Variants in PLEK2 observed in about 807,000 individuals in gnomAD.
PLEK2 encodes pleckstrin-2.
A neutral mutation model predicts 43.8 loss-of-function variants in PLEK2; 29 were observed. That is an observed-to-expected ratio of 0.66 (90% CI 0.49 to 0.90). PLEK2 has a LOEUF of 0.90. Among genes scored for constraint, PLEK2 ranks in the 40% least tolerant of loss-of-function variants. The pLI is 0.00. For missense variants in PLEK2, 398 were observed against 448.1 expected, an observed-to-expected ratio of 0.89 and a Z score of 1.01; for synonymous variants, 162 against 173.2, an observed-to-expected ratio of 0.94 and a Z score of 0.51.
At chr14:67,389,951 C>T (rs1179299982) in intron 7 of PLEK2, among the ~76,000 whole-genome samples, 1 of 151,964 alleles carries the variant, frequency 6.6e-6, no homozygotes, top group African/African-American at 2.4e-5. Context: ...CCTCCCTGGC[C>T]CTGGCCTAGC....
intron 1 of PLEK2, among the ~76,000 whole-genome samples, chr14:67,403,817 C>T (rs532889358): frequency 4.4e-4 from 67 of 152,166 alleles, no homozygotes; most frequent in Non-Finnish European, 7.6e-4. Context: ...TTTGGGAGGC[C>T]AAGGAGAGAG....
At chr14:67,406,297 T>G (rs2086078381) in intron 1 of PLEK2, among the ~76,000 whole-genome samples, 1 of 151,696 alleles carries the variant, frequency 6.6e-6, no homozygotes, top group South Asian at 2.1e-4. Flanking sequence ...GGATAATTTG[T>G]TATACAACAA....
chr14:67,397,991 G>C lies in PLEK2; in HGVS notation c.43-165C>G, dbSNP rs2086022880. On this transcript the variant is annotated intron_variant, in intron 1 of 8. Transcript: ENST00000216446. ...GGATCTCTTCTGAGTACGTAGCAAAGACCTTTGGCACTGACCTTCTAGTTC... is the reference window on the plus strand; with the variant it reads ...GGATCTCTTCTGAGTACGTAGCAAACACCTTTGGCACTGACCTTCTAGTTC... 6.0e-6 allele frequency: 3 copies of C among 499,874 alleles called. No individual in the cohort carries two copies. The East Asian group carries it at 9.6e-5, about 16-fold the overall frequency. 31.0% of individuals were successfully genotyped at this position (499,874 alleles called of 1,614,324 possible).
chr14:67,404,331 A>C (rs2086065959), intron 1 of PLEK2, among the ~76,000 whole-genome samples: 1 of 152,068 alleles, frequency 6.6e-6, no homozygotes, highest in Non-Finnish European at 1.5e-5. Flanking sequence ...ACTTCATATG[A>C]TACCTAAAAA....
At chr14:67,399,216 TAA>T (rs1399975812) in intron 1 of PLEK2, among the ~76,000 whole-genome samples, 16 of 150,630 alleles carry the variant, frequency 1.1e-4, no homozygotes, top group African/African-American at 3.2e-4. Flanking sequence ...GTGGCAGGAA[TAA>T]AGAGAAGGGT....
chr14:67,392,310 C>T lies in PLEK2; in HGVS notation c.771+16G>A. 6.7e-7 allele frequency: 1 copy of T among 1,495,876 alleles called. No individual in the cohort carries two copies. The highest frequency in any genetic ancestry group is 9.3e-7 in the Non-Finnish European group (1 of 1,072,092). The allele number at this position is 1,495,876 out of a possible 1,614,324, so 92.7% of individuals were successfully genotyped here. On this transcript the variant is annotated intron_variant, in intron 6 of 8. Coordinates refer to ENST00000216446, the MANE Select transcript of PLEK2 (RefSeq NM_016445.3). ...GAGAACTGTCCATCTCTCTTCCCTG[C>T]TCATAGCAGCCATACCTGCTTGGCC...
chr14:67,390,628 C>T (rs747012575), intron 7 of PLEK2, 35 bp downstream of exon 7: 4 of 1,457,462 alleles, frequency 2.7e-6, no homozygotes, highest in Non-Finnish European at 3.9e-6. Context: ...GGCATCACAA[C>T]ATGGGACCAA....
intron 3 of PLEK2, among the ~76,000 whole-genome samples, chr14:67,393,953 T>C (rs929544002): frequency 6.6e-6 from 1 of 152,178 alleles, no homozygotes; most frequent in Non-Finnish European, 1.5e-5. Flanking sequence ...TCGCTGTCTC[T>C]AGGCCAGCAG....
chr14:67,406,714 T>C (rs2086081854), intron 1 of PLEK2, among the ~76,000 whole-genome samples: 1 of 152,200 alleles, frequency 6.6e-6, no homozygotes, highest in Non-Finnish European at 1.5e-5. Context: ...GGAGCTCAGC[T>C]GGAGGCTGCT....
At position 67,395,398 on chromosome 14, in the gene PLEK2, T is replaced by A. The variant is rs1470631708; in HGVS notation, c.389+4A>T. ...CCACAGAGCCCGGCAAGTGGGGCAC[T>A]CACTGCAGGCTGATGTGCGGGGGCA... On this transcript the variant is annotated splice_donor_region_variant and intron_variant, in intron 3 of 8. Transcript: ENST00000216446. 6.2e-7 allele frequency: 1 copy of A among 1,613,110 alleles called. No individual in the cohort carries two copies. Among genetic ancestry groups the A allele is most frequent in the Admixed American group, 1.7e-5 (1 of 59,998 alleles).
intron 1 of PLEK2, among the ~76,000 whole-genome samples, chr14:67,411,443 G>C (rs1474552736): frequency 6.6e-6 from 1 of 152,100 alleles, no homozygotes; most frequent in African/African-American, 2.4e-5. Flanking sequence ...GCACTGGGGA[G>C]GCAGTAAAGG....
In PLEK2 at chr14:67,392,726, C is replaced by A; in HGVS notation, c.605G>T (p.Gly202Val). ...FLRPVGVRSM[G>V]AIRSGDLAEQ... ...GGCCAGATCCCCAGAGCGAATGGCT[C>A]CCATGCTTCGGACACCCACAGGCCT... is the stretch of plus-strand genomic sequence containing the variant. Residue 202 changes from glycine to valine, a missense_variant, in exon 5 of 9, where the codon GGA becomes GTA. Transcript: ENST00000216446. The A allele has an allele frequency of 6.2e-7, 1 of 1,614,204 alleles. No homozygotes were observed. Among genetic ancestry groups the A allele is most frequent in the Non-Finnish European group, 8.5e-7 (1 of 1,180,014 alleles).
Position 67,390,658 on chromosome 14 carries a change from C to G in PLEK2, c.855+5G>C. On this transcript the variant is annotated splice_donor_5th_base_variant and intron_variant, in intron 7 of 8. Coordinates refer to ENST00000216446, the MANE Select transcript of PLEK2 (RefSeq NM_016445.3). ...GACCAACATGGAGCCAGCATGCGCA[C>G]TCACTTTGGAAGGGTCATAGTAATG... 6.3e-7 allele frequency: 1 copy of G among 1,599,798 alleles called. No individual in the cohort carries two copies. Among genetic ancestry groups the G allele is most frequent in the African/African-American group, 1.3e-5 (1 of 74,760 alleles).
chr14:67,395,437 TC>T lies in PLEK2; in HGVS notation c.353del (p.Arg118LysfsTer64). ...TGTGCGGGGGCAGCTTGAAGGAGTT[TC>T]TCAGGCTGTGCAGCTGCTGGACCTT... The part of the protein sequence containing the change: ...PGKVQQLHSL[R>X]NSFKLPPHIS... On this transcript the variant is annotated frameshift_variant, in exon 3 of 9. Coordinates refer to ENST00000216446, the MANE Select transcript of PLEK2 (RefSeq NM_016445.3). LOFTEE classifies it high-confidence loss of function. 6.2e-7 allele frequency: 1 copy of T among 1,613,970 alleles called. No homozygotes were observed. The highest frequency in any genetic ancestry group is 8.5e-7 in the Non-Finnish European group (1 of 1,179,872).
intron 8 of PLEK2, among the ~76,000 whole-genome samples, chr14:67,387,770 G>C (rs2085937278): frequency 6.6e-6 from 1 of 152,162 alleles, no homozygotes; most frequent in African/African-American, 2.4e-5. Context: ...AATCCAGTAT[G>C]TTTATGTTAA....
intron 8 of PLEK2, among the ~76,000 whole-genome samples, 188 bp from the exon 9 acceptor site, chr14:67,387,644 C>T (rs1293928365): frequency 6.6e-6 from 1 of 152,200 alleles, no homozygotes; most frequent in Non-Finnish European, 1.5e-5. Context: ...TGTCCCTCAC[C>T]AGTGCCCTAA....
Position 67,399,583 on chromosome 14 carries a change from AAG to A in PLEK2, c.43-1759_43-1758del, listed in dbSNP as rs914876288. On this transcript the variant is annotated intron_variant, in intron 1 of 8. Coordinates refer to ENST00000216446, the MANE Select transcript of PLEK2 (RefSeq NM_016445.3). ...AGGTGGCTGTCAGGTGGCAGGAATA[AAG>A]AGAAGGGTAGTTTAGGTGGTTCTCA... 2.1e-4 allele frequency among the ~76,000 whole-genome samples: 31 copies of A among 146,478 alleles called. 1 individual carries two copies. Among genetic ancestry groups the A allele is most frequent in the Admixed American group, 7.4e-4 (11 of 14,838 alleles).
At chr14:67,394,096 T>C (rs1476262329) in intron 3 of PLEK2, among the ~76,000 whole-genome samples, 1 of 152,098 alleles carries the variant, frequency 6.6e-6, no homozygotes, top group Non-Finnish European at 1.5e-5. Context: ...CAGAACAGGG[T>C]GTTCAGTTAT....
chr14:67,391,269 ATATGTGTG>A (rs1490228581), intron 6 of PLEK2, among the ~76,000 whole-genome samples: 2 of 139,646 alleles, frequency 1.4e-5, no homozygotes, highest in East Asian at 2.1e-4. Context: ...TAAGCAGCTG[ATATGTGTG>A]TGTGTGTGTG....
Sources: gnomAD v4.1 joint callset for allele counts (sites outside exome capture counted in the v4.1 genomes callset) on GRCh38, gnomAD v4.1.1 for gene constraint, MANE v1.5 for transcripts, NCBI Gene and HGNC (gene_info 2026-07-23, HGNC 2026-07-21) for gene names.